The following TXNRD1 variants were observed in gnomAD, a reference collection of about 807,000 sequenced individuals.
TXNRD1 encodes thioredoxin reductase 1, cytoplasmic.
In TXNRD1, 57 loss-of-function variants were observed where a neutral mutation model predicts 80.3. The ratio of observed to expected loss-of-function variants is 0.71; its 90% CI spans 0.57 to 0.89. The LOEUF (loss-of-function observed/expected upper bound fraction) is 0.89, where lower values mean the gene tolerates loss of function less well. TXNRD1 is among the 40% of genes least tolerant of loss of function. The probability of loss-of-function intolerance (pLI) is 0.00; values close to 1 mark genes in which losing one functional copy is unlikely to be tolerated. For synonymous variants in TXNRD1, 291 were observed against 285.2 expected (o/e 1.02, Z -0.20); for missense variants, 730 against 803.0 (o/e 0.91, Z 1.10).
chr12:104,293,675 C>T (rs535303690), intron 4 of TXNRD1, among the ~76,000 whole-genome samples: 1 of 152,056 alleles, frequency 6.6e-6, no homozygotes, highest in South Asian at 2.1e-4. Context: ...AGGGACCAGC[C>T]CCACAGGGTC....
chr12:104,231,848 T>C (rs2032632182), intron 1 of TXNRD1, among the ~76,000 whole-genome samples: 1 of 152,214 alleles, frequency 6.6e-6, no homozygotes, highest in African/African-American at 2.4e-5. Context: ...AAGCTGCAGG[T>C]GATCACCACT....
intron 14 of TXNRD1, among the ~76,000 whole-genome samples, chr12:104,332,129 T>C (rs968244951): frequency 2.0e-5 from 3 of 152,192 alleles, no homozygotes; most frequent in African/African-American, 7.2e-5. Flanking sequence ...CTACCATTAG[T>C]ACTACTTGTT....
At chr12:104,304,299 TTC>T (rs759718364) in intron 4 of TXNRD1, 5 of 1,613,944 alleles carry the variant, frequency 3.1e-6, no homozygotes, top group African/African-American at 1.3e-5. Context: ...TTTTGTGACT[TTC>T]TGTTTCTGTT....
intron 3 of TXNRD1, among the ~76,000 whole-genome samples, chr12:104,277,928 G>C (rs1364763906): frequency 1.9e-4 from 28 of 150,960 alleles, no homozygotes; most frequent in Non-Finnish European, 4.4e-5. Flanking sequence ...CCAGGCTGGA[G>C]TGCAGTGGCG....
chr12:104,248,714 C>T (rs574361405), intron 1 of TXNRD1, among the ~76,000 whole-genome samples: 1 of 152,222 alleles, frequency 6.6e-6, no homozygotes, highest in Non-Finnish European at 1.5e-5. Context: ...CTCCCTTCCA[C>T]TTACGGCAGA....
intron 1 of TXNRD1, among the ~76,000 whole-genome samples, chr12:104,246,138 CTT>C (rs2032986851): frequency 4.2e-5 from 3 of 71,318 alleles, no homozygotes; most frequent in Non-Finnish European, 9.1e-5. Context: ...AAAAAAAAAA[CTT>C]TTCCCAGCTG....
intron 4 of TXNRD1, chr12:104,304,145 G>A: frequency 6.2e-7 from 1 of 1,614,082 alleles, no homozygotes; most frequent in Non-Finnish European, 8.5e-7. Flanking sequence ...CGAGGCTCTG[G>A]AGGAAGCCAA....
Position 104,246,236 on chromosome 12 carries a change from GCTAA to G in TXNRD1, c.92-5289_92-5286del, listed in dbSNP as rs567484961. On this transcript the variant is annotated intron_variant, in intron 1 of 16. Transcript: ENST00000525566. The stretch of plus-strand genomic sequence containing the variant: ...AGGTCAGGAGATCGAGACCATCTTG[GCTAA>G]CACGGTGAAACCCCGTCTCTACTAA... 1.8e-4 allele frequency among the ~76,000 whole-genome samples: 27 copies of G among 147,906 alleles called. No individual in the cohort carries two copies. The South Asian group carries it at 5.8e-3, about 32-fold the overall frequency.
chr12:104,304,501 G>GA (rs1168322267), intron 4 of TXNRD1: 1 of 1,613,830 alleles, frequency 6.2e-7, no homozygotes. Context: ...TTGAACACCA[G>GA]AAAAAAGTTC....
At chr12:104,254,644 A>AAAATATATATATATATATATAT in intron 2 of TXNRD1, among the ~76,000 whole-genome samples, 5 of 93,650 alleles carry the variant, frequency 5.3e-5, no homozygotes, top group African/African-American at 2.1e-4. Flanking sequence ...AAAAAAAAAA[A>AAAATATATATATATATATATAT]ATATATATAT....
chr12:104,265,601 G>A (rs1415409531), intron 3 of TXNRD1: 10 of 1,607,430 alleles, frequency 6.2e-6, no homozygotes, highest in Non-Finnish European at 8.5e-6. Context: ...CGGGAATACC[G>A]GGACCTGACC....
At chr12:104,291,729 ACTTCG>A (rs1249173020) in intron 4 of TXNRD1, among the ~76,000 whole-genome samples, 2 of 152,000 alleles carry the variant, frequency 1.3e-5, no homozygotes, top group Admixed American at 1.3e-4. Flanking sequence ...TGATCCACCC[ACTTCG>A]GCCTTCCAAA....
intron 16 of TXNRD1, among the ~76,000 whole-genome samples, chr12:104,343,350 A>G (rs2036387335): frequency 1.3e-5 from 2 of 152,190 alleles, no homozygotes; most frequent in South Asian, 4.1e-4. Flanking sequence ...CTGTCCTACC[A>G]TATTTGGCAT....
rs765727692 is a variant in TXNRD1 at position 104,321,083 on chromosome 12, T to TC, written c.990-3dup. ...CTTCTTTCTTCCTTTTTTTTTTTTT[T>TC]CCCCCAGTGATGATCTTTTCTCCTT... On this transcript the variant is annotated splice_region_variant and splice_polypyrimidine_tract_variant and intron_variant, in intron 9 of 16. Coordinates refer to ENST00000525566, the MANE Select transcript of TXNRD1 (RefSeq NM_001093771.3). 5.5e-5 allele frequency: 83 copies of TC among 1,504,548 alleles called. No homozygotes were observed. Among genetic ancestry groups the TC allele is most frequent in the African/African-American group, 9.9e-5 (7 of 70,584 alleles). The allele number at this position is 1,504,548 out of a possible 1,614,324, so 93.2% of individuals were successfully genotyped here.
chr12:104,252,288 A>G (rs1328366653), intron 2 of TXNRD1, among the ~76,000 whole-genome samples: 1 of 152,020 alleles, frequency 6.6e-6, no homozygotes, highest in Non-Finnish European at 1.5e-5. Flanking sequence ...AATATTTCAT[A>G]AGGAATGGTT....
At chr12:104,313,420 G>T in intron 6 of TXNRD1, 103 bp downstream of exon 6, 1 of 884,866 alleles carries the variant, frequency 1.1e-6, no homozygotes, top group Non-Finnish European at 1.7e-6. Flanking sequence ...CAAAAACTAA[G>T]TTAAAGAAAA....
In TXNRD1 at chr12:104,327,684, C is replaced by CTTG; in HGVS notation, c.1542+17_1542+19dup. The CTTG allele has an allele frequency of 6.2e-7, 1 of 1,612,628 alleles. No individual in the cohort carries two copies. Among genetic ancestry groups the CTTG allele is most frequent in the East Asian group, 2.2e-5 (1 of 44,866 alleles). On this transcript the variant is annotated intron_variant, in intron 13 of 16. Transcript: ENST00000525566. ...TTCCACTGTCAAGGTGAGTGTTGTG[C>CTTG]TTGTTGCCCATTAGATACTGTTGTC... is the stretch of plus-strand genomic sequence containing the variant.
chr12:104,265,582 A>T, intron 3 of TXNRD1: 1 of 1,608,404 alleles, frequency 6.2e-7, no homozygotes. Context: ...CGGCACCCAC[A>T]ACATGTACCG....
chr12:104,243,987 T>A (rs900752469), intron 1 of TXNRD1, among the ~76,000 whole-genome samples: 3 of 152,204 alleles, frequency 2.0e-5, no homozygotes, highest in African/African-American at 7.2e-5. Context: ...TACCTGTGCT[T>A]TTCATATTTC....
Sources: gnomAD v4.1 joint callset for allele counts (sites outside exome capture counted in the v4.1 genomes callset) on GRCh38, gnomAD v4.1.1 for gene constraint, MANE v1.5 for transcripts, NCBI Gene and HGNC (gene_info 2026-07-23, HGNC 2026-07-21) for gene names.